PPP1R14C: variants seen among roughly 807,000 people sequenced by gnomAD.
The protein encoded by PPP1R14C is protein phosphatase 1 regulatory subunit 14C.
PPP1R14C carries 16 observed loss-of-function variants against 20.4 expected under a neutral mutation model. The observed-to-expected ratio is 0.78, with a 90% CI of 0.53 to 1.19. The LOEUF is 1.19. Ranked by LOEUF, PPP1R14C falls within the 50% of genes most tolerant of loss-of-function variation. PPP1R14C has a pLI of 0.00. For synonymous variants in PPP1R14C, 91 were observed against 91.0 expected, an observed-to-expected ratio of 1.00 and a Z score of 0.00; for missense variants, 211 against 220.1, an observed-to-expected ratio of 0.96 and a Z score of 0.26.
chr6:150,158,664 A>G (rs920371098), intron 1 of PPP1R14C, among the ~76,000 whole-genome samples: 1 of 152,242 alleles, frequency 6.6e-6, no homozygotes, highest in African/African-American at 2.4e-5. Context: ...TGCAATGCAC[A>G]TGTATTTCTC....
At chr6:150,245,654 C>A (rs1778482202) in intron 3 of PPP1R14C, among the ~76,000 whole-genome samples, 1 of 152,160 alleles carries the variant, frequency 6.6e-6, no homozygotes, top group South Asian at 2.1e-4. Flanking sequence ...GTCTGTAACC[C>A]AAGTTGGAGT....
chr6:150,168,688 G>A (rs932230649), intron 1 of PPP1R14C, among the ~76,000 whole-genome samples: 1 of 152,140 alleles, frequency 6.6e-6, no homozygotes, highest in African/African-American at 2.4e-5. Context: ...TACAGATGCA[G>A]GAGATGGAAG....
intron 1 of PPP1R14C, among the ~76,000 whole-genome samples, chr6:150,149,998 C>T (rs966409876): frequency 6.6e-6 from 1 of 152,130 alleles, no homozygotes; most frequent in Non-Finnish European, 1.5e-5. Context: ...AAGGAACTGT[C>T]TTAATTTTCA....
chr6:150,160,255 TC>T (rs1777350076), intron 1 of PPP1R14C, among the ~76,000 whole-genome samples: 8 of 107,536 alleles, frequency 7.4e-5, no homozygotes, highest in African/African-American at 2.8e-4. Context: ...TGTAGCTCAT[TC>T]TTTTTTTTTT....
At chr6:150,166,121 T>C (rs1480168463) in intron 1 of PPP1R14C, among the ~76,000 whole-genome samples, 1 of 151,498 alleles carries the variant, frequency 6.6e-6, no homozygotes, top group African/African-American at 2.4e-5. Flanking sequence ...CCCTCTGTTG[T>C]CCAGGCTGGG....
rs1204466295 is a variant in PPP1R14C, at chr6:150,165,350, C to A, written c.306+21852C>A. ...TGGGCTCCCAGTCCAAGAAAAGATA[C>A]TCAGATTTTGTGTTAGAGAAGACTT... On this transcript the variant is annotated intron_variant, in intron 1 of 3. Coordinates refer to ENST00000361131, the MANE Select transcript of PPP1R14C (RefSeq NM_030949.3). Among the ~76,000 whole-genome samples, 3 of 152,332 alleles carry A rather than the reference C, an allele frequency of 2.0e-5. No homozygotes were observed. The East Asian group carries it at 5.8e-4, about 29-fold the overall frequency.
intron 1 of PPP1R14C, among the ~76,000 whole-genome samples, chr6:150,177,926 C>T (rs1176661570): frequency 1.3e-5 from 2 of 152,316 alleles, no homozygotes; most frequent in South Asian, 2.1e-4. Flanking sequence ...TGTGTTTTCC[C>T]TCATCACTGT....
intron 1 of PPP1R14C, among the ~76,000 whole-genome samples, chr6:150,183,906 A>G (rs1446880528): frequency 6.6e-6 from 1 of 152,228 alleles, no homozygotes; most frequent in Non-Finnish European, 1.5e-5. Flanking sequence ...TTTATTTTAA[A>G]CATCTGAGAG....
At position 150,249,760 on chromosome 6, in the gene PPP1R14C, T is replaced by C. The variant is rs928436022; in HGVS notation, c.*940T>C. ...AAAGAAAGTTAGCAGATCGAGTGTCTTCTTCCTTAGAAATAGGTTCTGGTA... is the reference window on the plus strand; with the variant it reads ...AAAGAAAGTTAGCAGATCGAGTGTCCTCTTCCTTAGAAATAGGTTCTGGTA... On this transcript the variant is annotated 3_prime_UTR_variant, in exon 4 of 4. Transcript: ENST00000361131. 5.1e-6 allele frequency: 2 copies of C among 389,462 alleles called. No individual in the cohort carries two copies. Among genetic ancestry groups the C allele is most frequent in the Non-Finnish European group, 9.1e-6 (2 of 220,690 alleles). 24.1% of individuals were successfully genotyped at this position (389,462 alleles called of 1,614,324 possible).
intron 1 of PPP1R14C, among the ~76,000 whole-genome samples, chr6:150,166,230 G>A (rs1482479268): frequency 2.0e-5 from 3 of 151,990 alleles, no homozygotes; most frequent in Non-Finnish European, 4.4e-5. Context: ...ACAGGCGCCC[G>A]CTACCACGCC....
intron 1 of PPP1R14C, among the ~76,000 whole-genome samples, chr6:150,196,441 C>T (rs751100248): frequency 3.5e-4 from 52 of 150,334 alleles, no homozygotes; most frequent in Non-Finnish European, 6.4e-4. Context: ...AATCTAGTTT[C>T]TCTTCTAAGG....
At chr6:150,228,804 A>T (rs948740332) in intron 3 of PPP1R14C, among the ~76,000 whole-genome samples, 1 of 152,178 alleles carries the variant, frequency 6.6e-6, no homozygotes, top group African/African-American at 2.4e-5. Flanking sequence ...CAGGATGACC[A>T]TGAGATGGTG....
chr6:150,167,182 C>T (rs1467959183), intron 1 of PPP1R14C, among the ~76,000 whole-genome samples: 1 of 152,130 alleles, frequency 6.6e-6, no homozygotes, highest in Non-Finnish European at 1.5e-5. Flanking sequence ...GCCTGGCCAA[C>T]ATGGCAAACC....
At chr6:150,151,289 T>C (rs1777244372) in intron 1 of PPP1R14C, among the ~76,000 whole-genome samples, 1 of 152,182 alleles carries the variant, frequency 6.6e-6, no homozygotes, top group African/African-American at 2.4e-5. Flanking sequence ...CCTGCTCCTC[T>C]TCCTCACTTC....
chr6:150,229,991 C>T (rs1320497940), intron 3 of PPP1R14C, among the ~76,000 whole-genome samples: 3 of 152,184 alleles, frequency 2.0e-5, no homozygotes, highest in African/African-American at 4.8e-5. Flanking sequence ...CCGTGTCACA[C>T]TGAGTTGGGG....
chr6:150,210,605 C>T (rs772513220), intron 1 of PPP1R14C, among the ~76,000 whole-genome samples: 8 of 152,146 alleles, frequency 5.3e-5, no homozygotes, highest in African/African-American at 1.2e-4. Flanking sequence ...CAAGGGGAAC[C>T]GGCAGCCTAT....
chr6:150,174,668 A>G (rs1007674551), intron 1 of PPP1R14C, among the ~76,000 whole-genome samples: 1 of 151,844 alleles, frequency 6.6e-6, no homozygotes, highest in African/African-American at 2.4e-5. Flanking sequence ...ATATCATTTA[A>G]TAATAAGTAG....
At chr6:150,217,843 A>G (rs754369583) in intron 3 of PPP1R14C, among the ~76,000 whole-genome samples, 1 of 152,236 alleles carries the variant, frequency 6.6e-6, no homozygotes, top group Non-Finnish European at 1.5e-5. Flanking sequence ...AAGAGGTCTA[A>G]TTAAAAGGGG....
chr6:150,192,505 T>G (rs1047878533), intron 1 of PPP1R14C, among the ~76,000 whole-genome samples: 2 of 152,174 alleles, frequency 1.3e-5, no homozygotes, highest in African/African-American at 4.8e-5. Context: ...TAATGCTTTC[T>G]TGCCCATGTT....
Sources: allele counts gnomAD v4.1 joint callset (sites outside exome capture counted in the v4.1 genomes callset), GRCh38; gene constraint gnomAD v4.1.1; transcripts MANE v1.5; gene names NCBI Gene and HGNC (gene_info 2026-07-23, HGNC 2026-07-21).